The following FBN1 variants were observed in gnomAD, a reference collection of about 807,000 sequenced individuals.
FBN1 encodes fibrillin 1, also known as fibrillin-1.
A neutral mutation model predicts 365.1 loss-of-function variants in FBN1; 29 were observed. That is an observed-to-expected ratio of 0.08 (90% CI 0.06 to 0.11). The LOEUF is 0.11. Ranked by LOEUF, FBN1 falls within the 10% of genes least tolerant of loss-of-function variation. The pLI is 1.00. For missense variants in FBN1, 2,476 were observed against 3,703.2 expected, an observed-to-expected ratio of 0.67 and a Z score of 8.60; for synonymous variants, 1,210 against 1,270.5, an observed-to-expected ratio of 0.95 and a Z score of 1.01.
chr15:48,586,865 A>G (rs1313140747), intron 6 of FBN1, among the ~76,000 whole-genome samples: 3 of 152,246 alleles, frequency 2.0e-5, no homozygotes, highest in Non-Finnish European at 4.4e-5. Context: ...TGTCAAAATA[A>G]TAAGAATCCA....
At chr15:48,600,312 G>A (rs1236767624) in intron 4 of FBN1, 78 bp from the exon 5 acceptor site, 12 of 1,027,610 alleles carry the variant, frequency 1.2e-5, no homozygotes, top group Middle Eastern at 2.0e-4. Flanking sequence ...TTGATTTGTA[G>A]TTATTTGAAG....
intron 6 of FBN1, among the ~76,000 whole-genome samples, chr15:48,581,967 A>G (rs1439502044): frequency 6.6e-6 from 1 of 152,224 alleles, no homozygotes; most frequent in African/African-American, 2.4e-5. Context: ...GGTTGCCCCA[A>G]GGACTGACTA....
intron 50 of FBN1, 100 bp from the exon 51 acceptor site, chr15:48,438,017 C>A: frequency 8.3e-7 from 1 of 1,211,076 alleles, no homozygotes; most frequent in Non-Finnish European, 1.2e-6. Flanking sequence ...ATATGTTCTC[C>A]TCTCAGGACC....
chr15:48,464,825 A>G (rs2043307827), intron 40 of FBN1, among the ~76,000 whole-genome samples: 1 of 152,208 alleles, frequency 6.6e-6, no homozygotes. Flanking sequence ...TTCCAAATGA[A>G]GGAGTTGATT....
intron 24 of FBN1, among the ~76,000 whole-genome samples, chr15:48,491,205 A>C (rs549444153): frequency 2.4e-4 from 36 of 152,212 alleles, no homozygotes; most frequent in Non-Finnish European, 4.7e-4. Flanking sequence ...TAATTACAAA[A>C]ATACTTTTGG....
At chr15:48,542,780 G>GGTGTGTGTGT (rs1566923362) in intron 6 of FBN1, among the ~76,000 whole-genome samples, 21 of 79,166 alleles carry the variant, frequency 2.7e-4, no homozygotes, top group Non-Finnish European at 3.9e-4. Context: ...AGGACTCTAA[G>GGTGTGTGTGT]ATGTGTGTGT....
At chr15:48,571,120 A>G (rs574338198) in intron 6 of FBN1, among the ~76,000 whole-genome samples, 4 of 152,218 alleles carry the variant, frequency 2.6e-5, no homozygotes, top group Non-Finnish European at 5.9e-5. Context: ...ACAGGTCAGC[A>G]TGGGTATGAG....
At chr15:48,613,585 G>A (rs1488340354) in intron 2 of FBN1, among the ~76,000 whole-genome samples, 3 of 151,948 alleles carry the variant, frequency 2.0e-5, no homozygotes, top group Non-Finnish European at 4.4e-5. Context: ...ACTCTGACAT[G>A]AGTCAGAAAA....
chr15:48,470,771 G>C lies in FBN1; in HGVS notation c.4337-15C>G, dbSNP rs760625906. ...CTCATCAATATCTTGGGGGGAGGGA[G>C]AAAAAAGCAAAAAACTTAACTTATA... On this transcript the variant is annotated splice_polypyrimidine_tract_variant and intron_variant, in intron 35 of 65. Transcript: ENST00000316623. The C allele has an allele frequency of 1.9e-6, 3 of 1,612,238 alleles. No homozygotes were observed. In the East Asian group the frequency reaches 6.7e-5, roughly 36 times the overall value.
chr15:48,410,695 G>T lies in FBN1; in HGVS notation c.*295C>A. 2.7e-6 allele frequency: 1 copy of T among 372,540 alleles called. No individual in the cohort carries two copies. The highest frequency in any genetic ancestry group is 4.9e-6 in the Non-Finnish European group (1 of 206,174). 23.1% of individuals were successfully genotyped at this position (372,540 alleles called of 1,614,324 possible). ...ATTCCCGTACGTTTGCTGGAAGGAT[G>T]GCATGTCAGCATAAATGGCCAACCC... On this transcript the variant is annotated 3_prime_UTR_variant, in exon 66 of 66. Coordinates refer to ENST00000316623, the MANE Select transcript of FBN1 (RefSeq NM_000138.5).
chr15:48,535,392 T>G (rs1349360523), intron 7 of FBN1, among the ~76,000 whole-genome samples: 1 of 152,250 alleles, frequency 6.6e-6, no homozygotes, highest in East Asian at 1.9e-4. Context: ...AAGGACTAAC[T>G]TGGGTTCTTA....
At chr15:48,425,582 C>T (rs899403798) in intron 59 of FBN1, 91 bp from the exon 60 acceptor site, 44 of 1,584,470 alleles carry the variant, frequency 2.8e-5, no homozygotes, top group South Asian at 7.8e-5. Context: ...ATTTTAGTTT[C>T]GGGGAAAGAA....
chr15:48,517,403 T>C (rs1193491716), intron 10 of FBN1, among the ~76,000 whole-genome samples: 2 of 152,116 alleles, frequency 1.3e-5, no homozygotes, highest in Admixed American at 1.3e-4. Context: ...AATGGAGAAG[T>C]GGCCCATAAG....
Position 48,488,388 on chromosome 15 carries a change from G to C in FBN1, c.3188C>G (p.Ser1063Cys). ...CTGACCTGTGCAGTTCCTTTCTTCA[G>C]AATCAAGAGCAAAGCCGCTGTCACA... ...CRCDSGFALD[S>C]EERNCTDIDE... The change falls in exon 26 of 66, where the codon TCT becomes TGT. Residue 1063 changes from serine (S) to cysteine (C), a missense_variant. Ser to Cys is a moderately radical substitution (Grantham distance 112). Coordinates refer to ENST00000316623, the MANE Select transcript of FBN1 (RefSeq NM_000138.5). The C allele has an allele frequency of 6.2e-7, 1 of 1,614,202 alleles. No individual in the cohort carries two copies. The highest frequency in any genetic ancestry group is 8.5e-7 in the Non-Finnish European group (1 of 1,180,044).
chr15:48,595,434 T>C (rs2140710147), intron 6 of FBN1, among the ~76,000 whole-genome samples: 1 of 152,278 alleles, frequency 6.6e-6, no homozygotes. Context: ...ATTATAAAAC[T>C]AGGGATGATG....
chr15:48,523,052 T>C (rs2043873660), intron 9 of FBN1, among the ~76,000 whole-genome samples: 1 of 152,218 alleles, frequency 6.6e-6, no homozygotes, highest in African/African-American at 2.4e-5. Context: ...TCCTACATTC[T>C]AATTTGTAAT....
At chr15:48,634,098 C>A (rs999841946) in intron 2 of FBN1, among the ~76,000 whole-genome samples, 49 of 152,110 alleles carry the variant, frequency 3.2e-4, no homozygotes, top group African/African-American at 1.2e-3. Flanking sequence ...ATAAGAAGGT[C>A]CTTTAAAAGT....
intron 32 of FBN1, among the ~76,000 whole-genome samples, chr15:48,475,271 C>T (rs2043410261): frequency 6.6e-6 from 1 of 152,142 alleles, no homozygotes; most frequent in Non-Finnish European, 1.5e-5. Context: ...AGTCCTAGCA[C>T]ATTGGAGAGC....
chr15:48,521,289 T>C (rs903990750), intron 9 of FBN1, among the ~76,000 whole-genome samples: 1 of 152,236 alleles, frequency 6.6e-6, no homozygotes, highest in African/African-American at 2.4e-5. Context: ...TATTTTCCAG[T>C]CTGCAACTGT....
Sources: gnomAD v4.1 joint callset for allele counts (sites outside exome capture counted in the v4.1 genomes callset) on GRCh38, gnomAD v4.1.1 for gene constraint, MANE v1.5 for transcripts, NCBI Gene and HGNC (gene_info 2026-07-23, HGNC 2026-07-21) for gene names.